SCN11A: variants seen among roughly 807,000 people sequenced by gnomAD.
The protein encoded by SCN11A is sodium voltage-gated channel alpha subunit 11.
Under a neutral mutation model 162.2 loss-of-function variants are expected in SCN11A, and 122 were observed. The ratio of observed to expected loss-of-function variants is 0.75; its 90% confidence interval spans 0.65 to 0.87. The LOEUF (loss-of-function observed/expected upper bound fraction) is 0.87, where lower values mean the gene tolerates loss of function less well. Ranked by LOEUF, SCN11A falls within the 40% of genes least tolerant of loss-of-function variation. SCN11A has a pLI of 0.00. For synonymous variants in SCN11A, 758 were observed against 751.5 expected, an observed-to-expected ratio of 1.01 and a Z score of -0.14; for missense variants, 2,015 against 2,181.6, an observed-to-expected ratio of 0.92 and a Z score of 1.52.
chr3:38,850,779 T>C, intron 28 of SCN11A, 28 bp from the exon 29 acceptor site: 1 of 1,532,902 alleles, frequency 6.5e-7, no homozygotes, highest in South Asian at 1.2e-5. Context: ...TTATAAATCA[T>C]TTTGAATGCA....
In SCN11A at chr3:38,886,282, A is replaced by C. The variant is rs192283433; in HGVS notation, c.2836-44T>G. ...AATAGAATTAATATTCCTCCTGGAC[A>C]TGTCACTTAAGATGAAAGAAGTTTG... On this transcript the variant is annotated intron_variant, in intron 19 of 29. Transcript: ENST00000302328. 1.1e-4 allele frequency: 137 copies of C among 1,303,310 alleles called. No homozygotes were observed. In the African/African-American group the frequency reaches 1.8e-3, roughly 17 times the overall value. 80.7% of individuals were successfully genotyped at this position (1,303,310 alleles called of 1,614,324 possible).
intron 16 of SCN11A, among the ~76,000 whole-genome samples, chr3:38,903,558 G>A (rs1051074008): frequency 1.2e-4 from 19 of 152,146 alleles, no homozygotes; most frequent in African/African-American, 3.4e-4. Context: ...CGGTTCTCTG[G>A]ATATGGTTAA....
Position 38,861,934 on chromosome 3 carries a change from T to C in SCN11A, c.4056+1261A>G, listed in dbSNP as rs561136256. Among the ~76,000 whole-genome samples, 303 of 152,130 alleles carry C rather than the reference T, an allele frequency of 2.0e-3. 2 individuals carry two copies. Among genetic ancestry groups the C allele is most frequent in the African/African-American group, 6.9e-3 (287 of 41,498 alleles). ...ATCTTCTGCACGGCAAAATAAATAA[T>C]CAGCAGAGTAAAGAGACAACTCACC... On this transcript the variant is annotated intron_variant, in intron 28 of 29. Coordinates refer to ENST00000302328, the MANE Select transcript of SCN11A (RefSeq NM_001349253.2).
At position 38,899,915 on chromosome 3, in the gene SCN11A, T is replaced by C; in HGVS notation, c.2001A>G (p.Pro667=). 2 of 1,613,906 alleles carry C rather than the reference T, an allele frequency of 1.2e-6. No individual in the cohort carries two copies. The highest frequency in any genetic ancestry group is 1.7e-5 in the Admixed American group (1 of 60,008). Residue 667 remains proline, a synonymous_variant, in exon 17 of 30, where the codon CCA becomes CCG. Transcript: ENST00000302328. The part of the protein sequence containing the change: ...MNCVLQKRSW[P]FLRSFRVLRV... ...TTACCACTCTGAAGGAACGCAAGAA[T>C]GGCCAGCTTCTCTTTTGAAGTACAC... is the stretch of plus-strand genomic sequence containing the variant.
chr3:38,967,581 G>A (rs1304917671), intron 2 of SCN11A, among the ~76,000 whole-genome samples: 1 of 152,204 alleles, frequency 6.6e-6, no homozygotes, highest in African/African-American at 2.4e-5. Flanking sequence ...CATGGCTTTG[G>A]AGAAAGCACT....
In SCN11A at chr3:38,936,270, A is replaced by G. The variant is rs2066330314; in HGVS notation, c.488+9141T>C. Among the ~76,000 whole-genome samples, 3 of 152,114 alleles carry G rather than the reference A, an allele frequency of 2.0e-5. No individual in the cohort carries two copies. In the South Asian group the frequency reaches 6.2e-4, roughly 32 times the overall value. On this transcript the variant is annotated intron_variant, in intron 7 of 29. Transcript: ENST00000302328. ...AAACCCACAGCCAATATCATATTGA[A>G]TGGGCAAAAACTGGAAGCATTCCCT...
chr3:38,873,144 AT>A, intron 23 of SCN11A, among the ~76,000 whole-genome samples: 1 of 152,256 alleles, frequency 6.6e-6, no homozygotes, highest in African/African-American at 2.4e-5. Context: ...TCGAGAAGGT[AT>A]TGGCTTTCAT....
At chr3:39,024,960 T>C (rs1026324478) in intron 2 of SCN11A, among the ~76,000 whole-genome samples, 1 of 152,226 alleles carries the variant, frequency 6.6e-6, no homozygotes, top group Admixed American at 6.5e-5. Flanking sequence ...TAAATTTGTA[T>C]GCCTTTTCTC....
intron 2 of SCN11A, among the ~76,000 whole-genome samples, chr3:38,996,060 A>G (rs2125596245): frequency 6.6e-6 from 1 of 152,334 alleles, no homozygotes; most frequent in East Asian, 1.9e-4. Context: ...CACAGTGAGA[A>G]GGTGACCATC....
At chr3:39,023,069 T>C (rs1363691821) in intron 2 of SCN11A, among the ~76,000 whole-genome samples, 1 of 152,178 alleles carries the variant, frequency 6.6e-6, no homozygotes, top group African/African-American at 2.4e-5. Flanking sequence ...GTGGTTATGC[T>C]TTTTAAAAGG....
intron 7 of SCN11A, among the ~76,000 whole-genome samples, chr3:38,942,509 G>C (rs548611246): frequency 6.6e-6 from 1 of 152,020 alleles, no homozygotes; most frequent in South Asian, 2.1e-4. Context: ...GATCATAACT[G>C]AACTGAAATT....
intron 2 of SCN11A, among the ~76,000 whole-genome samples, chr3:39,021,515 A>G (rs2031450218): frequency 6.6e-6 from 1 of 152,186 alleles, no homozygotes; most frequent in African/African-American, 2.4e-5. Context: ...GCCTGATGGA[A>G]TAACAGATCA....
At chr3:39,042,554 A>T (rs1438406493) in intron 1 of SCN11A, among the ~76,000 whole-genome samples, 3 of 152,224 alleles carry the variant, frequency 2.0e-5, no homozygotes, top group Non-Finnish European at 4.4e-5. Context: ...AACACACAGA[A>T]TGGGAGAAAA....
rs1229988425 is a variant in SCN11A at position 39,051,927 on chromosome 3, T to C, written c.-470A>G. On this transcript the variant is annotated 5_prime_UTR_variant, in exon 1 of 30. Coordinates refer to ENST00000302328, the MANE Select transcript of SCN11A (RefSeq NM_001349253.2). ...GAGGAAACACAACAGCCTGTTTACC[T>C]TCAGCCCCGCCACTAACCCTTGGCC... The C allele has an allele frequency of 2.0e-6, 3 of 1,483,492 alleles. No individual in the cohort carries two copies. In the African/African-American group the frequency reaches 4.2e-5, roughly 21 times the overall value. 91.9% of individuals were successfully genotyped at this position (1,483,492 alleles called of 1,614,324 possible).
At chr3:39,035,730 C>T (rs2125613640) in intron 1 of SCN11A, among the ~76,000 whole-genome samples, 1 of 152,174 alleles carries the variant, frequency 6.6e-6, no homozygotes, top group Non-Finnish European at 1.5e-5. Context: ...AGCTCCGCCT[C>T]CCGGGTTCAT....
chr3:38,875,732 C>T (rs1349280610), intron 23 of SCN11A, among the ~76,000 whole-genome samples: 2 of 152,276 alleles, frequency 1.3e-5, no homozygotes, highest in Middle Eastern at 3.4e-3. Flanking sequence ...AATGAAAACA[C>T]ATCTCATGTT....
At chr3:38,961,970 C>T (rs1275951475) in intron 2 of SCN11A, among the ~76,000 whole-genome samples, 1 of 152,152 alleles carries the variant, frequency 6.6e-6, no homozygotes, top group Non-Finnish European at 1.5e-5. Flanking sequence ...GATTTTCCAA[C>T]GTTGTCTTCT....
At chr3:39,039,120 C>T (rs112806618) in intron 1 of SCN11A, among the ~76,000 whole-genome samples, 107 of 152,216 alleles carry the variant, frequency 7.0e-4, no homozygotes, top group Admixed American at 1.3e-3. Flanking sequence ...CTTGCTTATC[C>T]AATGATAGAT....
rs2126096045 is a variant in SCN11A at position 38,871,626 on chromosome 3, C to A, written c.3578G>T (p.Cys1193Phe). The change falls in exon 25 of 30, where the codon TGT (cysteine) becomes TTT (phenylalanine). Residue 1193 changes from cysteine to phenylalanine, a missense_variant. By Grantham distance (205) the Cys-to-Phe change is radical (BLOSUM62 -2). Transcript: ENST00000302328. ...LVCLIFWLVF[C>F]ILGVYFFSGK... The stretch of plus-strand genomic sequence containing the variant: ...AGAAAAGAAGTATACTCCCAGAATA[C>A]AAAATACGAGCCAGAAAATGAGGCA... The A allele has an allele frequency of 6.2e-7, 1 of 1,612,672 alleles. No homozygotes were observed. The highest frequency in any genetic ancestry group is 1.7e-5 in the Admixed American group (1 of 59,866).
Sources: allele counts gnomAD v4.1 joint callset (sites outside exome capture counted in the v4.1 genomes callset), GRCh38; gene constraint gnomAD v4.1.1; transcripts MANE v1.5; gene names NCBI Gene and HGNC (gene_info 2026-07-23, HGNC 2026-07-21).